CCSER1: variants seen among roughly 807,000 people sequenced by gnomAD.
The protein encoded by CCSER1 is serine-rich coiled-coil domain-containing protein 1.
In CCSER1, 41 loss-of-function variants were observed where a neutral mutation model predicts 82.0. The ratio of observed to expected loss-of-function variants is 0.50; its 90% CI spans 0.39 to 0.65. The LOEUF (loss-of-function observed/expected upper bound fraction) is 0.65. CCSER1 is among the 30% of genes least tolerant of loss of function. The probability of loss-of-function intolerance (pLI) is 0.00; values close to 1 mark genes in which losing one functional copy is unlikely to be tolerated. For synonymous variants in CCSER1, 414 were observed against 383.9 expected (o/e 1.08, Z -0.92); for missense variants, 1,119 against 1,064.2 (o/e 1.05, Z -0.72).
In CCSER1 at chr4:91,599,268, C is replaced by A. The variant is rs9991015; in HGVS notation, c.*211C>A. 0.13 allele frequency: 70,548 copies of A among 530,730 alleles called. 5,585 individuals carry two copies. The highest frequency in any genetic ancestry group is 0.25 in the African/African-American group (13,220 of 52,442). The allele number at this position is 530,730 out of a possible 1,614,324, so 32.9% of individuals were successfully genotyped here. On this transcript the variant is annotated 3_prime_UTR_variant, in exon 11 of 11. Coordinates refer to ENST00000509176, the MANE Select transcript of CCSER1 (RefSeq NM_001145065.2). ...TGAGCATGTTAATTGAACTAGGTTG[C>A]ATTGCCTTGAAGACTTTACTATATA... is the stretch of plus-strand genomic sequence containing the variant.
intron 5 of CCSER1, among the ~76,000 whole-genome samples, chr4:90,571,224 A>G (rs1280262373): frequency 6.6e-6 from 1 of 152,216 alleles, no homozygotes; most frequent in East Asian, 1.9e-4. Context: ...CTATCTCATT[A>G]CTGGGTATAT....
intron 3 of CCSER1, among the ~76,000 whole-genome samples, chr4:90,335,744 A>G (rs1052592143): frequency 2.0e-5 from 3 of 152,274 alleles, no homozygotes; most frequent in Admixed American, 1.3e-4. Context: ...GTAGTCATTA[A>G]AATTCTTTCT....
At chr4:90,629,606 G>T (rs1351475007) in intron 6 of CCSER1, among the ~76,000 whole-genome samples, 1 of 152,110 alleles carries the variant, frequency 6.6e-6, no homozygotes, top group Non-Finnish European at 1.5e-5. Flanking sequence ...GATTAAAGCT[G>T]AGATTTGGGT....
At position 90,767,329 on chromosome 4, in the gene CCSER1, C is replaced by T. The variant is rs984464344; in HGVS notation, c.2010+43338C>T. 5.9e-5 allele frequency among the ~76,000 whole-genome samples: 9 copies of T among 152,016 alleles called. No homozygotes were observed. The East Asian group carries it at 1.5e-3, about 26-fold the overall frequency. The stretch of plus-strand genomic sequence containing the variant: ...CAATTTTTTTTTTCATGAAAGGCAG[C>T]ATAATGTGACTGCACTTACACTTTG... On this transcript the variant is annotated intron_variant, in intron 7 of 10. Coordinates refer to ENST00000509176, the MANE Select transcript of CCSER1 (RefSeq NM_001145065.2).
intron 10 of CCSER1, among the ~76,000 whole-genome samples, chr4:91,250,910 T>C (rs1471874550): frequency 6.6e-6 from 1 of 151,978 alleles, no homozygotes; most frequent in Admixed American, 6.6e-5. Context: ...ACTCAGAAAA[T>C]CTAAATAAAA....
chr4:90,805,122 G>T lies in CCSER1; in HGVS notation c.2011-10640G>T, dbSNP rs540641306. ...CTATGTTTAGATGATCTTGTAACAA[G>T]TTATTTCAAAATTTAGTGGCTTAAA... On this transcript the variant is annotated intron_variant, in intron 7 of 10. Coordinates refer to ENST00000509176, the MANE Select transcript of CCSER1 (RefSeq NM_001145065.2). 3.3e-5 allele frequency among the ~76,000 whole-genome samples: 5 copies of T among 152,246 alleles called. 1 individual carries two copies. The highest frequency in any genetic ancestry group is 4.1e-4 in the South Asian group (2 of 4,832).
chr4:91,104,952 A>G (rs1725456210), intron 10 of CCSER1, among the ~76,000 whole-genome samples: 1 of 152,270 alleles, frequency 6.6e-6, no homozygotes, highest in South Asian at 2.1e-4. Flanking sequence ...TGTTACATGC[A>G]TAGATTGTGT....
chr4:90,192,815 T>C (rs1735905957), intron 1 of CCSER1, among the ~76,000 whole-genome samples: 1 of 152,038 alleles, frequency 6.6e-6, no homozygotes, highest in African/African-American at 2.4e-5. Flanking sequence ...CAGGTGTGAA[T>C]ATAAGGCAGT....
chr4:91,119,638 T>A (rs1458388890), intron 10 of CCSER1, among the ~76,000 whole-genome samples: 1 of 151,964 alleles, frequency 6.6e-6, no homozygotes, highest in African/African-American at 2.4e-5. Context: ...TAGCTGTGTA[T>A]AAATAGAAAA....
rs975305022 is a variant in CCSER1, at chr4:91,599,083, G to A, written c.*26G>A. 1.3e-6 allele frequency: 2 copies of A among 1,503,564 alleles called. No individual in the cohort carries two copies. Among genetic ancestry groups the A allele is most frequent in the African/African-American group, 2.8e-5 (2 of 71,610 alleles). The allele number at this position is 1,503,564 out of a possible 1,614,324, so 93.1% of individuals were successfully genotyped here. ...TTAAATCACCGTATTCCTGTCTTTGGGTAGGATAAAGATGGTTAGTGTTTC... is the reference window on the plus strand; with the variant it reads ...TTAAATCACCGTATTCCTGTCTTTGAGTAGGATAAAGATGGTTAGTGTTTC... On this transcript the variant is annotated 3_prime_UTR_variant, in exon 11 of 11. Coordinates refer to ENST00000509176, the MANE Select transcript of CCSER1 (RefSeq NM_001145065.2).
chr4:90,591,685 T>C (rs549269932), intron 5 of CCSER1, among the ~76,000 whole-genome samples: 2 of 152,300 alleles, frequency 1.3e-5, no homozygotes, highest in South Asian at 4.1e-4. Context: ...CATTACTGGG[T>C]ATACACCCAA....
rs144950718 is a variant in CCSER1, at chr4:90,410,582, G to A, written c.1603+10453G>A. The stretch of plus-strand genomic sequence containing the variant: ...AATAAAGATGTTCTTTGAAACCAAC[G>A]AGAACAAAGACACAACATACGAGCA... On this transcript the variant is annotated intron_variant, in intron 4 of 10. Coordinates refer to ENST00000509176, the MANE Select transcript of CCSER1 (RefSeq NM_001145065.2). Among the ~76,000 whole-genome samples the A allele has an allele frequency of 5.9e-3, 896 of 152,166 alleles. 10 individuals are homozygous for A. The highest frequency in any genetic ancestry group is 0.021 in the African/African-American group (858 of 41,528).
intron 10 of CCSER1, chr4:91,108,213 A>C (rs548945954): frequency 6.6e-6 from 1 of 152,232 alleles, no homozygotes; most frequent in African/African-American, 2.4e-5. Flanking sequence ...CATTGCCAAT[A>C]TGTGATTCCT....
chr4:90,447,739 G>A (rs935122863), intron 4 of CCSER1, among the ~76,000 whole-genome samples: 8 of 152,230 alleles, frequency 5.3e-5, no homozygotes, highest in African/African-American at 1.9e-4. Context: ...ACAACTTTGG[G>A]CTGATAGGTG....
chr4:90,588,167 T>TA (rs775278960), intron 5 of CCSER1, among the ~76,000 whole-genome samples: 16 of 152,318 alleles, frequency 1.1e-4, no homozygotes, highest in Admixed American at 5.9e-4. Flanking sequence ...TGGGTAGCTG[T>TA]ACCAGTTTCT....
intron 10 of CCSER1, among the ~76,000 whole-genome samples, chr4:91,262,416 T>C (rs1741262433): frequency 6.6e-6 from 1 of 151,938 alleles, no homozygotes; most frequent in Admixed American, 6.6e-5. Flanking sequence ...TATAATTTTC[T>C]TTTCTTTTTA....
intron 6 of CCSER1, among the ~76,000 whole-genome samples, chr4:90,682,797 G>A (rs377733014): frequency 1.3e-5 from 2 of 152,022 alleles, no homozygotes; most frequent in Non-Finnish European, 2.9e-5. Context: ...GGGTGTTACT[G>A]TATAAACTCA....
At chr4:91,225,373 T>C (rs932362548) in intron 10 of CCSER1, among the ~76,000 whole-genome samples, 13 of 138,832 alleles carry the variant, frequency 9.4e-5, no homozygotes, top group East Asian at 2.0e-4. Context: ...ATATATGTAA[T>C]ATATATGATA....
At chr4:90,920,742 G>C (rs1390492778) in intron 8 of CCSER1, among the ~76,000 whole-genome samples, 1 of 151,860 alleles carries the variant, frequency 6.6e-6, no homozygotes, top group African/African-American at 2.4e-5. Flanking sequence ...CTGACTCACA[G>C]TGGAAGTGTC....
Sources: gnomAD v4.1 joint callset for allele counts (sites outside exome capture counted in the v4.1 genomes callset) on GRCh38, gnomAD v4.1.1 for gene constraint, MANE v1.5 for transcripts, NCBI Gene and HGNC (gene_info 2026-07-23, HGNC 2026-07-21) for gene names.